L2HGDH: variants seen among roughly 807,000 people sequenced by gnomAD.
L2HGDH encodes L-2-hydroxyglutarate dehydrogenase.
A neutral mutation model predicts 51.5 loss-of-function variants in L2HGDH; 34 were observed. That is an observed-to-expected ratio of 0.66 (90% CI 0.50 to 0.88). L2HGDH has a LOEUF of 0.88. L2HGDH is among the 40% of genes least tolerant of loss of function. The pLI, the probability that L2HGDH is intolerant of heterozygous loss-of-function variation, is 0.00. For synonymous variants in L2HGDH, 198 were observed against 197.9 expected (o/e 1.00, Z -0.01); for missense variants, 558 against 571.9 (o/e 0.98, Z 0.25).
intron 4 of L2HGDH, among the ~76,000 whole-genome samples, chr14:50,286,297 C>T (rs544942977): frequency 6.4e-4 from 98 of 152,286 alleles, no homozygotes; most frequent in African/African-American, 2.0e-3. Flanking sequence ...TCAAGAGTTA[C>T]CTTCGGCTAC....
chr14:50,242,473 G>C lies in L2HGDH; in HGVS notation c.*4585C>G, dbSNP rs1595051388. The C allele has an allele frequency of 1.0e-6, 1 of 982,710 alleles. No individual in the cohort carries two copies. Among genetic ancestry groups the C allele is most frequent in the East Asian group, 1.1e-4 (1 of 8,820 alleles). 60.9% of individuals were successfully genotyped at this position (982,710 alleles called of 1,614,324 possible). A position where few individuals can be genotyped will look rare whatever the true frequency, so the allele number is the denominator to read the frequency against. On this transcript the variant is annotated 3_prime_UTR_variant, in exon 10 of 10. Transcript: ENST00000267436. ...CTTTAATGTGAGATCCTTCCCATAA[G>C]CAGAAAATACAAGCAATTAACAACA...
At chr14:50,308,875 T>C (rs2030886128) in intron 1 of L2HGDH, among the ~76,000 whole-genome samples, 1 of 152,188 alleles carries the variant, frequency 6.6e-6, no homozygotes, top group South Asian at 2.1e-4. Context: ...CTTCAACCCA[T>C]GGTAAACGGT....
intron 4 of L2HGDH, chr14:50,287,243 A>C (rs1890611257): frequency 1.0e-6 from 1 of 984,564 alleles, no homozygotes; most frequent in Non-Finnish European, 1.2e-6. Flanking sequence ...TAACTTTTAC[A>C]ACATCTGAAA....
intron 4 of L2HGDH, among the ~76,000 whole-genome samples, chr14:50,289,370 AC>A (rs1890739356): frequency 6.6e-6 from 1 of 152,210 alleles, no homozygotes; most frequent in Non-Finnish European, 1.5e-5. Context: ...AATACACATA[AC>A]TAAATATTCT....
At position 50,272,198 on chromosome 14, in the gene L2HGDH, C is replaced by T. The variant is rs145278898; in HGVS notation, c.739-2868G>A. Among the ~76,000 whole-genome samples the T allele has an allele frequency of 3.2e-3, 481 of 152,204 alleles. 1 individual carries two copies. Among genetic ancestry groups the T allele is most frequent in the Non-Finnish European group, 5.2e-3 (352 of 68,006 alleles). On this transcript the variant is annotated intron_variant, in intron 6 of 9. Transcript: ENST00000267436. Reference sequence around the variant, plus strand: ...CTATTTCAACCTGGTAAGTGGACCCCCCAATTTGAATGTGAACCCAAAATT... The same window carrying T: ...CTATTTCAACCTGGTAAGTGGACCCTCCAATTTGAATGTGAACCCAAAATT...
rs1428137719 is a variant in L2HGDH, at chr14:50,245,360, T to C, written c.*1698A>G. 1.0e-6 allele frequency: 1 copy of C among 985,294 alleles called. No homozygotes were observed. The highest frequency in any genetic ancestry group is 1.2e-6 in the Non-Finnish European group (1 of 829,932). 61.0% of individuals were successfully genotyped at this position (985,294 alleles called of 1,614,324 possible). A position where few individuals can be genotyped will look rare whatever the true frequency, so the allele number is the denominator to read the frequency against. ...TAAAAATCTGTCTCTTCTAAGTTAT[T>C]TCAGTTCTCAGCCACAGAGATTGAA... On this transcript the variant is annotated 3_prime_UTR_variant, in exon 10 of 10. Transcript: ENST00000267436.
chr14:50,263,145 T>C (rs576215307), intron 9 of L2HGDH, among the ~76,000 whole-genome samples: 61 of 152,342 alleles, frequency 4.0e-4, no homozygotes, highest in African/African-American at 1.5e-3. Context: ...ACTATTTTTA[T>C]ACAGAATTCA....
chr14:50,278,489 G>A, intron 6 of L2HGDH, 31 bp downstream of exon 6: 1 of 1,411,018 alleles, frequency 7.1e-7, no homozygotes, highest in South Asian at 1.2e-5. Flanking sequence ...GGGAAAGAAA[G>A]TAGCCAGCAG....
chr14:50,310,936 C>CTTTTTT (rs34399906), intron 1 of L2HGDH, among the ~76,000 whole-genome samples: 71 of 82,242 alleles, frequency 8.6e-4, no homozygotes, highest in East Asian at 2.5e-3. Context: ...CTTTTCTTTT[C>CTTTTTT]TTTTTTTTTT....
intron 2 of L2HGDH, among the ~76,000 whole-genome samples, chr14:50,302,608 C>T (rs532421125): frequency 2.0e-5 from 3 of 152,296 alleles, no homozygotes; most frequent in African/African-American, 7.2e-5. Context: ...AGCTCACAGC[C>T]ACAATCTTGA....
Position 50,302,068 on chromosome 14 carries a change from G to A in L2HGDH, c.357C>T (p.Leu119=). The change falls in exon 3 of 10, where the codon CTC becomes CTT. Residue 119 remains leucine, a synonymous_variant. Coordinates refer to ENST00000267436, the MANE Select transcript of L2HGDH (RefSeq NM_024884.3). ...CCTTTTGCTGACAGTACTCATAGAG[G>A]AGGGCTGCACCTTGTACACATAATT... ...KAKLCVQGAA[L]LYEYCQQKGI... is the part of the protein sequence containing the mutation. 1 of 1,614,104 alleles carries A rather than the reference G, an allele frequency of 6.2e-7. No individual in the cohort carries two copies.
Position 50,243,163 on chromosome 14 carries a change from G to C in L2HGDH, c.*3895C>G. 1 of 985,388 alleles carries C rather than the reference G, an allele frequency of 1.0e-6. No individual in the cohort carries two copies. The highest frequency in any genetic ancestry group is 1.2e-6 in the Non-Finnish European group (1 of 829,914). 61.0% of individuals were successfully genotyped at this position (985,388 alleles called of 1,614,324 possible). A position where few individuals can be genotyped will look rare whatever the true frequency, so the allele number is the denominator to read the frequency against. Reference sequence around the variant, plus strand: ...ACAGTGCTAATGCTGAGAGGATCAAGGGAAGGACTTTGATATACACATATA... The same window carrying C: ...ACAGTGCTAATGCTGAGAGGATCAACGGAAGGACTTTGATATACACATATA... On this transcript the variant is annotated 3_prime_UTR_variant, in exon 10 of 10. Coordinates refer to ENST00000267436, the MANE Select transcript of L2HGDH (RefSeq NM_024884.3).
chr14:50,265,221 G>A (rs908792781), intron 9 of L2HGDH, 137 bp downstream of exon 9: 2 of 697,128 alleles, frequency 2.9e-6, no homozygotes, highest in African/African-American at 1.8e-5. Flanking sequence ...ACAACATGTT[G>A]GGAAAGAAAG....
chr14:50,262,410 CAGACCG>C (rs1889082285), intron 9 of L2HGDH, among the ~76,000 whole-genome samples: 1 of 138,450 alleles, frequency 7.2e-6, no homozygotes, highest in Non-Finnish European at 1.5e-5. Context: ...AGCCTAGCAA[CAGACCG>C]AGACTCTGTC....
intron 9 of L2HGDH, among the ~76,000 whole-genome samples, chr14:50,262,821 A>T (rs554650482): frequency 4.3e-4 from 65 of 152,166 alleles, no homozygotes; most frequent in Non-Finnish European, 7.8e-4. Flanking sequence ...TGCACTTAAT[A>T]ACTATAGGAA....
intron 5 of L2HGDH, chr14:50,282,557 G>C: frequency 2.2e-6 from 1 of 455,706 alleles, no homozygotes; most frequent in Non-Finnish European, 4.4e-6. Context: ...AACTATGTGG[G>C]CTTTAGGTAC....
intron 6 of L2HGDH, among the ~76,000 whole-genome samples, chr14:50,275,386 A>G (rs904708183): frequency 2.0e-5 from 3 of 152,212 alleles, no homozygotes; most frequent in African/African-American, 7.2e-5. Context: ...TAGAAAAGGT[A>G]GCACTTACTT....
chr14:50,269,176 C>T lies in L2HGDH; in HGVS notation c.893G>A (p.Gly298Glu), dbSNP rs1307475808. The change falls in exon 7 of 10, where the codon GGA (glycine) becomes GAA (glutamate). Residue 298 changes from glycine (G) to glutamate (E), a missense_variant. Gly to Glu is a moderately conservative substitution (Grantham distance 98). Transcript: ENST00000267436. ...LKPEKCYLVKGNIYPVPDSRF... is the reference protein window; with the variant it reads ...LKPEKCYLVKENIYPVPDSRF... Reference sequence around the variant, plus strand: ...ATCATTACCTACCGGATAAATATTTCCTTTTACAAGATAACATTTTTCTGG... The same window carrying T: ...ATCATTACCTACCGGATAAATATTTTCTTTTACAAGATAACATTTTTCTGG... 6.0e-6 allele frequency: 9 copies of T among 1,493,074 alleles called. No individual in the cohort carries two copies. Among genetic ancestry groups the T allele is most frequent in the Non-Finnish European group, 8.2e-6 (9 of 1,101,430 alleles). The allele number at this position is 1,493,074 out of a possible 1,614,324, so 92.5% of individuals were successfully genotyped here.
chr14:50,273,899 A>T (rs1406656104), intron 6 of L2HGDH, among the ~76,000 whole-genome samples: 1 of 152,008 alleles, frequency 6.6e-6, no homozygotes, highest in Non-Finnish European at 1.5e-5. Flanking sequence ...ACCAACATGT[A>T]GAAACCCCAT....
Sources: allele counts gnomAD v4.1 joint callset (sites outside exome capture counted in the v4.1 genomes callset), GRCh38; gene constraint gnomAD v4.1.1; transcripts MANE v1.5; gene names NCBI Gene and HGNC (gene_info 2026-07-23, HGNC 2026-07-21).